Variants in DLGAP2 observed in about 807,000 individuals in gnomAD.
The protein encoded by DLGAP2 is DLG associated protein 2, also known as disks large-associated protein 2.
In DLGAP2, 26 loss-of-function variants were observed where a neutral mutation model predicts 100.3. The ratio of observed to expected loss-of-function variants is 0.26; its 90% CI spans 0.19 to 0.36. The LOEUF (loss-of-function observed/expected upper bound fraction) is 0.36, where lower values mean the gene tolerates loss of function less well. DLGAP2 is among the 10% of genes least tolerant of loss of function. The pLI is 1.00. For synonymous variants in DLGAP2, 886 were observed against 630.1 expected, an observed-to-expected ratio of 1.41 and a Z score of -6.08; for missense variants, 1,858 against 1,453.2, an observed-to-expected ratio of 1.28 and a Z score of -4.53.
At chr8:1,200,861 T>C (rs1468588245) in intron 2 of DLGAP2, among the ~76,000 whole-genome samples, 1 of 152,214 alleles carries the variant, frequency 6.6e-6, no homozygotes, top group East Asian at 1.9e-4. Flanking sequence ...CGGTTTGGCA[T>C]CGAACGATGC....
intron 3 of DLGAP2, among the ~76,000 whole-genome samples, chr8:1,384,470 G>A (rs1483519299): frequency 2.7e-5 from 2 of 73,082 alleles, no homozygotes. Context: ...GCCTGTGCCC[G>A]GCCCCTGAGA....
chr8:1,515,670 C>T (rs1439023413), intron 4 of DLGAP2, among the ~76,000 whole-genome samples: 2 of 146,584 alleles, frequency 1.4e-5, no homozygotes, highest in Non-Finnish European at 3.0e-5. Flanking sequence ...TACACATACA[C>T]ATGTTGACAC....
chr8:1,492,939 C>T (rs1281746221), intron 3 of DLGAP2, among the ~76,000 whole-genome samples: 1 of 152,166 alleles, frequency 6.6e-6, no homozygotes, highest in Non-Finnish European at 1.5e-5. Context: ...CTCCACCCTC[C>T]ACTGCCATCC....
intron 3 of DLGAP2, among the ~76,000 whole-genome samples, chr8:1,392,305 C>T (rs1298898670): frequency 1.3e-5 from 2 of 152,242 alleles, no homozygotes; most frequent in South Asian, 2.1e-4. Context: ...TGGGTTGAGG[C>T]GCCATCTGGA....
intron 2 of DLGAP2, among the ~76,000 whole-genome samples, chr8:1,041,592 G>A (rs1036278153): frequency 3.1e-4 from 45 of 144,064 alleles, no homozygotes; most frequent in Non-Finnish European, 2.1e-4. Context: ...ACCCCTTGCC[G>A]TGGGTGAGTG....
chr8:1,438,775 G>T (rs937466645), intron 3 of DLGAP2, among the ~76,000 whole-genome samples: 1 of 152,190 alleles, frequency 6.6e-6, no homozygotes, highest in African/African-American at 2.4e-5. Flanking sequence ...GCGGCAGCAG[G>T]CTCTAAAGAT....
intron 1 of DLGAP2, among the ~76,000 whole-genome samples, chr8:776,276 T>G (rs1224030772): frequency 6.6e-6 from 1 of 152,168 alleles, no homozygotes; most frequent in African/African-American, 2.4e-5. Flanking sequence ...GGTCTATCAA[T>G]TTTGTTGATC....
At chr8:1,203,519 C>T (rs1056727904) in intron 2 of DLGAP2, among the ~76,000 whole-genome samples, 1 of 152,186 alleles carries the variant, frequency 6.6e-6, no homozygotes, top group Non-Finnish European at 1.5e-5. Flanking sequence ...GGATACCCTT[C>T]TCAGCGATCT....
At chr8:884,607 T>C (rs1191990616) in intron 1 of DLGAP2, among the ~76,000 whole-genome samples, 1 of 152,244 alleles carries the variant, frequency 6.6e-6, no homozygotes. Context: ...TGATAGTTTC[T>C]TTTGCTCTGC....
chr8:1,007,638 G>T (rs958099179), intron 2 of DLGAP2, among the ~76,000 whole-genome samples: 29 of 141,510 alleles, frequency 2.0e-4, no homozygotes, highest in South Asian at 4.6e-4. Context: ...TTTTTTTTGG[G>T]GGGGGGATCT....
At chr8:1,458,324 C>A (rs1158010072) in intron 3 of DLGAP2, among the ~76,000 whole-genome samples, 1 of 152,086 alleles carries the variant, frequency 6.6e-6, no homozygotes, top group Non-Finnish European at 1.5e-5. Flanking sequence ...TTCTGAATAA[C>A]TGAGCACCTT....
chr8:1,092,533 C>A (rs751313318), intron 2 of DLGAP2, among the ~76,000 whole-genome samples: 1 of 152,308 alleles, frequency 6.6e-6, no homozygotes, highest in African/African-American at 2.4e-5. Flanking sequence ...GGTCTCCTGG[C>A]AGGAAGAGGG....
At chr8:1,131,704 G>C (rs1048893532) in intron 2 of DLGAP2, among the ~76,000 whole-genome samples, 17 of 152,312 alleles carry the variant, frequency 1.1e-4, no homozygotes, top group African/African-American at 3.8e-4. Context: ...TCCACATTAG[G>C]TGAGATGTTT....
At position 765,559 on chromosome 8, in the gene DLGAP2, T is replaced by A. The variant is rs73673013; in HGVS notation, c.18+27734T>A. On this transcript the variant is annotated intron_variant, in intron 1 of 14. Transcript: ENST00000637795. ...CAGCAGCCCTTGGGGCAGGCAAATG[T>A]CAGTCCAGTTTATATTGAAAACAGC... 3.7e-3 allele frequency among the ~76,000 whole-genome samples: 561 copies of A among 152,268 alleles called. 5 individuals carry two copies. The highest frequency in any genetic ancestry group is 0.013 in the African/African-American group (536 of 41,562).
At chr8:1,309,772 T>C (rs1288275003) in intron 3 of DLGAP2, among the ~76,000 whole-genome samples, 1 of 152,222 alleles carries the variant, frequency 6.6e-6, no homozygotes, top group Non-Finnish European at 1.5e-5. Context: ...TGTACGTCTA[T>C]GTTACCGTGC....
At chr8:928,654 C>A (rs1201253012) in intron 2 of DLGAP2, among the ~76,000 whole-genome samples, 1 of 152,106 alleles carries the variant, frequency 6.6e-6, no homozygotes, top group Non-Finnish European at 1.5e-5. Flanking sequence ...CTTGGTGATA[C>A]TGGACAGGTC....
At chr8:1,525,146 A>G (rs1482607181) in intron 4 of DLGAP2, among the ~76,000 whole-genome samples, 1 of 149,674 alleles carries the variant, frequency 6.7e-6, no homozygotes, top group Non-Finnish European at 1.5e-5. Flanking sequence ...TCCTGAGGCA[A>G]CAACTTCAAA....
At chr8:1,509,821 C>T (rs1204022046) in intron 4 of DLGAP2, among the ~76,000 whole-genome samples, 2 of 152,086 alleles carry the variant, frequency 1.3e-5, no homozygotes, top group African/African-American at 4.8e-5. Context: ...CAGTTTTTAC[C>T]ATGATTAGTA....
At chr8:852,733 C>T (rs1313414977) in intron 1 of DLGAP2, among the ~76,000 whole-genome samples, 2 of 152,176 alleles carry the variant, frequency 1.3e-5, no homozygotes, top group Admixed American at 6.5e-5. Context: ...CCACCCAAAC[C>T]CAGCAAGGCT....
Sources: allele counts gnomAD v4.1 joint callset (sites outside exome capture counted in the v4.1 genomes callset), GRCh38; gene constraint gnomAD v4.1.1; transcripts MANE v1.5; gene names NCBI Gene and HGNC (gene_info 2026-07-23, HGNC 2026-07-21).